The following STK38L variants were observed in gnomAD, a reference collection of about 807,000 sequenced individuals.
The protein encoded by STK38L is serine/threonine kinase 38 like, also known as serine/threonine-protein kinase 38-like.
A neutral mutation model predicts 59.7 loss-of-function variants in STK38L; 28 were observed. The observed-to-expected ratio is 0.47, with a 90% confidence interval of 0.35 to 0.64. The LOEUF (loss-of-function observed/expected upper bound fraction) is 0.64, where lower values mean the gene tolerates loss of function less well. STK38L is among the 30% of genes least tolerant of loss of function. The probability of loss-of-function intolerance (pLI) is 0.01; values close to 1 mark genes in which losing one functional copy is unlikely to be tolerated. For synonymous variants in STK38L, 162 were observed against 176.8 expected, an observed-to-expected ratio of 0.92 and a Z score of 0.66; for missense variants, 314 against 555.8, an observed-to-expected ratio of 0.56 and a Z score of 4.37.
At chr12:27,269,074 G>A (rs1943363006) in intron 1 of STK38L, among the ~76,000 whole-genome samples, 1 of 152,166 alleles carries the variant, frequency 6.6e-6, no homozygotes, top group African/African-American at 2.4e-5. Flanking sequence ...TAGGTTGCCT[G>A]TTCACTCTGA....
chr12:27,280,072 G>C (rs956154591), intron 1 of STK38L, among the ~76,000 whole-genome samples: 4 of 152,268 alleles, frequency 2.6e-5, no homozygotes, highest in Non-Finnish European at 5.9e-5. Context: ...AGCTAACACA[G>C]AAGTGTTTGA....
intron 1 of STK38L, among the ~76,000 whole-genome samples, chr12:27,294,195 T>C (rs1289447428): frequency 6.6e-6 from 1 of 152,158 alleles, no homozygotes; most frequent in African/African-American, 2.4e-5. Context: ...GTCCTCCTTT[T>C]GAGGATTCAG....
intron 1 of STK38L, among the ~76,000 whole-genome samples, chr12:27,288,289 T>TTTTAAACTTTAAATTTTAAA (rs1943821329): frequency 6.6e-6 from 1 of 152,226 alleles, no homozygotes; most frequent in Non-Finnish European, 1.5e-5. Context: ...AAAATTAACA[T>TTTTAAACTTTAAATTTTAAA]TTTAAAGCAT....
At position 27,260,268 on chromosome 12, in the gene STK38L, A is replaced by G. The variant is rs186984403; in HGVS notation, c.-12+15936A>G. On this transcript the variant is annotated intron_variant, in intron 1 of 13. Transcript: ENST00000389032. Reference sequence around the variant, plus strand: ...ATAGATATGGAACATTTCCCTTGTTATTCTTTTAAATTCATTTTCAATTTA... The same window carrying G: ...ATAGATATGGAACATTTCCCTTGTTGTTCTTTTAAATTCATTTTCAATTTA... Among the ~76,000 whole-genome samples, 488 of 152,346 alleles carry G rather than the reference A, an allele frequency of 3.2e-3. 5 individuals carry two copies. Among genetic ancestry groups the G allele is most frequent in the Non-Finnish European group, 4.8e-3 (328 of 68,032 alleles).
chr12:27,279,224 T>C (rs1300436090), intron 1 of STK38L, among the ~76,000 whole-genome samples: 4 of 152,180 alleles, frequency 2.6e-5, no homozygotes, highest in African/African-American at 9.7e-5. Context: ...TTAGGATTGG[T>C]TTATTGGGAT....
chr12:27,291,998 T>TA (rs973275057), intron 1 of STK38L, among the ~76,000 whole-genome samples: 59 of 152,196 alleles, frequency 3.9e-4, no homozygotes, highest in African/African-American at 1.4e-3. Context: ...CCAGGCTTGA[T>TA]AAAAAAGAAT....
At chr12:27,313,736 C>T (rs1341014991) in intron 6 of STK38L, among the ~76,000 whole-genome samples, 3 of 151,994 alleles carry the variant, frequency 2.0e-5, no homozygotes, top group Non-Finnish European at 4.4e-5. Flanking sequence ...AATCAGTTGT[C>T]AATTCTGTGT....
rs7134739 is a variant in STK38L, at chr12:27,308,861, T to A, written c.310-253T>A. ...GTGTTTGTATGTATATATAAAAAAA[T>A]ATATATAAATATAAATATATATAAA... On this transcript the variant is annotated intron_variant, in intron 4 of 13. Coordinates refer to ENST00000389032, the MANE Select transcript of STK38L (RefSeq NM_015000.4). This position sits in a 1 kb window ranked among gnomAD's most constrained non-coding sequence, Gnocchi z 4.5. 1.9e-3 allele frequency among the ~76,000 whole-genome samples: 235 copies of A among 122,390 alleles called. No homozygotes were observed. In the South Asian group the frequency reaches 0.026, roughly 13 times the overall value. 80.3% of individuals were successfully genotyped at this position (122,390 alleles called of 152,430 possible).
rs2136655914 is a variant in STK38L, at chr12:27,324,166, A to T, written c.*1711A>T. 1 of 152,074 alleles carries T rather than the reference A, an allele frequency of 6.6e-6. No individual in the cohort carries two copies. Among genetic ancestry groups the T allele is most frequent in the East Asian group, 1.9e-4 (1 of 5,182 alleles). 9.4% of individuals were successfully genotyped at this position (152,074 alleles called of 1,614,324 possible). ...TTTGTTTCTTTTTAAATATTTGTTG[A>T]GTACTTACGTGTTTATCTAACAGTT... On this transcript the variant is annotated 3_prime_UTR_variant, in exon 14 of 14. Transcript: ENST00000389032.
At chr12:27,293,667 GCTCC>G (rs1375226118) in intron 1 of STK38L, 1 of 151,926 alleles carries the variant, frequency 6.6e-6, no homozygotes, top group Admixed American at 6.6e-5. Context: ...CAGACAGTCA[GCTCC>G]CTCCAAGGCC....
In STK38L at chr12:27,308,016, T is replaced by G. The variant is rs1441056018; in HGVS notation, c.187-323T>G. Among the ~76,000 whole-genome samples the G allele has an allele frequency of 2.6e-5, 4 of 152,098 alleles. No individual in the cohort carries two copies. Among genetic ancestry groups the G allele is most frequent in the Non-Finnish European group, 5.9e-5 (4 of 68,024 alleles). ...TTTCCTGACAGAATAAAAATCAGTA[T>G]CAGAATACCATTAACATTTACTAAC... On this transcript the variant is annotated intron_variant, in intron 3 of 13. Coordinates refer to ENST00000389032, the MANE Select transcript of STK38L (RefSeq NM_015000.4). The surrounding 1 kb of genome is among the most constrained non-coding windows in gnomAD (Gnocchi z 4.5).
intron 10 of STK38L, 109 bp downstream of exon 10, chr12:27,317,562 T>A: frequency 1.1e-6 from 1 of 914,178 alleles, no homozygotes; most frequent in Non-Finnish European, 1.7e-6. Context: ...CTTTTAAGCT[T>A]AATTCTGATG....
chr12:27,313,741 C>T (rs542385943), intron 6 of STK38L, among the ~76,000 whole-genome samples: 1 of 152,118 alleles, frequency 6.6e-6, no homozygotes, highest in African/African-American at 2.4e-5. Context: ...GTTGTCAATT[C>T]TGTGTTGTAA....
chr12:27,269,767 C>T (rs550052549), intron 1 of STK38L, among the ~76,000 whole-genome samples: 10 of 152,184 alleles, frequency 6.6e-5, no homozygotes, highest in South Asian at 4.2e-4. Flanking sequence ...CTCAGCTTCC[C>T]GAGTAGCTGG....
At chr12:27,254,642 A>T (rs744469) in intron 1 of STK38L, among the ~76,000 whole-genome samples, 14,929 of 152,180 alleles carry the variant, frequency 0.098, 836 homozygotes, top group Middle Eastern at 0.19. Context: ...TCTCTAATTC[A>T]AATTATATCC....
intron 1 of STK38L, among the ~76,000 whole-genome samples, chr12:27,249,617 C>T (rs928637832): frequency 6.6e-6 from 1 of 152,158 alleles, no homozygotes; most frequent in Admixed American, 6.5e-5. Context: ...GGATTACAGG[C>T]GTGAGCCACT....
chr12:27,252,629 A>C (rs1943001813), intron 1 of STK38L, among the ~76,000 whole-genome samples: 1 of 152,182 alleles, frequency 6.6e-6, no homozygotes, highest in Non-Finnish European at 1.5e-5. Context: ...ACAGCGATCC[A>C]TTTCATTTGA....
At chr12:27,304,713 A>T (rs930986118) in intron 3 of STK38L, among the ~76,000 whole-genome samples, 5 of 152,126 alleles carry the variant, frequency 3.3e-5, no homozygotes, top group Non-Finnish European at 5.9e-5. Flanking sequence ...ATTGATATAG[A>T]AATCTTAAAC....
intron 1 of STK38L, among the ~76,000 whole-genome samples, chr12:27,271,689 A>G (rs1308772343): frequency 1.3e-5 from 2 of 152,110 alleles, no homozygotes; most frequent in Non-Finnish European, 2.9e-5. Context: ...GTGTCTACTC[A>G]TTAGCTTTAT....
Sources: allele counts gnomAD v4.1 joint callset (sites outside exome capture counted in the v4.1 genomes callset), GRCh38; gene constraint gnomAD v4.1.1; non-coding constraint Gnocchi (gnomAD v3.1); transcripts MANE v1.5; gene names NCBI Gene and HGNC (gene_info 2026-07-23, HGNC 2026-07-21).